The following NR2F2 variants were observed in gnomAD, a reference collection of about 807,000 sequenced individuals.
NR2F2 encodes the protein COUP transcription factor 2.
NR2F2 carries 2 observed loss-of-function variants against 34.8 expected under a neutral mutation model. The observed-to-expected ratio is 0.06, with a 90% CI of 0.02 to 0.18. NR2F2 has a LOEUF of 0.18. Among genes scored for constraint, NR2F2 ranks in the 10% least tolerant of loss-of-function variants. The pLI, the probability that NR2F2 is intolerant of heterozygous loss-of-function variation, is 1.00. For synonymous variants in NR2F2, 274 were observed against 251.8 expected, an observed-to-expected ratio of 1.09 and a Z score of -0.84; for missense variants, 300 against 580.1, an observed-to-expected ratio of 0.52 and a Z score of 4.96.
chr15:96,331,579 C>T lies in NR2F2; in HGVS notation c.-527C>T. 2.5e-6 allele frequency: 3 copies of T among 1,178,752 alleles called. No individual in the cohort carries two copies. The highest frequency in any genetic ancestry group is 4.2e-5 in the South Asian group (1 of 23,990). The allele number at this position is 1,178,752 out of a possible 1,614,324, so 73.0% of individuals were successfully genotyped here. A position where few individuals can be genotyped will look rare whatever the true frequency, so the allele number is the denominator to read the frequency against. ...TCCTTCACCACCACCTCCTCTTCCT[C>T]CTCCTCCTCCTCCTCCTCCTCCGCC... is the stretch of plus-strand genomic sequence containing the variant. On this transcript the variant is annotated 5_prime_UTR_variant, in exon 1 of 3. Coordinates refer to ENST00000394166, the MANE Select transcript of NR2F2 (RefSeq NM_021005.4).
chr15:96,330,230 A>T (rs1341104280), upstream of NR2F2, among the ~76,000 whole-genome samples: 1 of 152,118 alleles, frequency 6.6e-6, no homozygotes, highest in Non-Finnish European at 1.5e-5. Context: ...GACATCGCCA[A>T]GTTGCGAGAG....
In NR2F2 at chr15:96,337,566, C is replaced by T. The variant is rs1238526150; in HGVS notation, c.1189C>T (p.Arg397Trp). Residue 397 changes from arginine to tryptophan, a missense_variant, in exon 3 of 3, where the codon CGG (arginine) becomes TGG (tryptophan). This residue lies in a region of NR2F2 where 164 missense variants were observed against 365.3 expected (regional missense o/e 0.45). Coordinates refer to ENST00000394166, the MANE Select transcript of NR2F2 (RefSeq NM_021005.4). ...TAAAACCCCCATCGAAACCCTCATCCGGGATATGTTACTGTCCGGCAGCAG... is the reference window on the plus strand; with the variant it reads ...TAAAACCCCCATCGAAACCCTCATCTGGGATATGTTACTGTCCGGCAGCAG... Reference protein sequence around the residue: ...VGKTPIETLIRDMLLSGSSFN... With the variant: ...VGKTPIETLIWDMLLSGSSFN... The T allele has an allele frequency of 6.2e-7, 1 of 1,613,852 alleles. No homozygotes were observed. Among genetic ancestry groups the T allele is most frequent in the Non-Finnish European group, 8.5e-7 (1 of 1,180,030 alleles).
rs949953763 is a variant in NR2F2, at chr15:96,331,522, C to G, written c.-584C>G. ...TGTGGGCTGCCCTGGACTTGGCCCCCGGACAGTCGCCTCTCCTCCTCCTCT... is the reference window on the plus strand; with the variant it reads ...TGTGGGCTGCCCTGGACTTGGCCCCGGGACAGTCGCCTCTCCTCCTCCTCT... On this transcript the variant is annotated 5_prime_UTR_variant, in exon 1 of 3. Transcript: ENST00000394166. 2.4e-6 allele frequency: 3 copies of G among 1,230,314 alleles called. No individual in the cohort carries two copies. Among genetic ancestry groups the G allele is most frequent in the Non-Finnish European group, 3.0e-6 (3 of 987,326 alleles). The allele number at this position is 1,230,314 out of a possible 1,614,324, so 76.2% of individuals were successfully genotyped here.
chr15:96,333,584 G>C (rs1899223152), intron 1 of NR2F2: 1 of 1,005,820 alleles, frequency 9.9e-7, no homozygotes, highest in Non-Finnish European at 1.2e-6. Flanking sequence ...CGCCGGGCTG[G>C]GGCTGGGGCT....
Position 96,338,116 on chromosome 15 carries a change from T to TA in NR2F2, c.*499dup, listed in dbSNP as rs1272797295. 8 of 153,050 alleles carry TA rather than the reference T, an allele frequency of 5.2e-5. No individual in the cohort carries two copies. The highest frequency in any genetic ancestry group is 1.9e-4 in the African/African-American group (8 of 41,430). 9.5% of individuals were successfully genotyped at this position (153,050 alleles called of 1,614,324 possible). ...AAGTTTTGATATAATCTTGGCTTCT[T>TA]AAAAACTGTGTATCATTAAAATATA... is the stretch of plus-strand genomic sequence containing the variant. On this transcript the variant is annotated 3_prime_UTR_variant, in exon 3 of 3. Coordinates refer to ENST00000394166, the MANE Select transcript of NR2F2 (RefSeq NM_021005.4).
At chr15:96,329,849 G>C (rs778340256), upstream of NR2F2, among the ~76,000 whole-genome samples, 1 of 152,032 alleles carries the variant, frequency 6.6e-6, no homozygotes, top group Non-Finnish European at 1.5e-5. Flanking sequence ...ATCAGATGAA[G>C]TCTATTTCTG....
intron 2 of NR2F2, among the ~76,000 whole-genome samples, chr15:96,336,374 TG>T (rs1241302072): frequency 6.6e-6 from 1 of 152,202 alleles, no homozygotes; most frequent in Non-Finnish European, 1.5e-5. Flanking sequence ...TCTGTAGACA[TG>T]CAGAGTCCTA....
At chr15:96,330,642 T>G (rs1262107709), upstream of NR2F2, 1 of 156,018 alleles carries the variant, frequency 6.4e-6, no homozygotes, top group African/African-American at 2.4e-5. Flanking sequence ...CAACGTGCGC[T>G]AAGTTGCAGC....
Position 96,339,461 on chromosome 15 carries a change from C to G in NR2F2, c.*1839C>G, listed in dbSNP as rs978494589. Reference sequence around the variant, plus strand: ...CAGTTGGTTTCCCTCTCCCCTCCCCCCCTTTACCTTCAGTCTGTGAGAGCA... The same window carrying G: ...CAGTTGGTTTCCCTCTCCCCTCCCCGCCTTTACCTTCAGTCTGTGAGAGCA... On this transcript the variant is annotated 3_prime_UTR_variant, in exon 3 of 3. Transcript: ENST00000394166. The G allele has an allele frequency of 1.3e-5, 2 of 152,300 alleles. No homozygotes were observed. Among genetic ancestry groups the G allele is most frequent in the East Asian group, 1.9e-4 (1 of 5,176 alleles). The allele number at this position is 152,300 out of a possible 1,614,324, so 9.4% of individuals were successfully genotyped here. A position where few individuals can be genotyped will look rare whatever the true frequency, so the allele number is the denominator to read the frequency against.
At chr15:96,326,206 A>G, upstream of NR2F2, 1 of 940,592 alleles carries the variant, frequency 1.1e-6, no homozygotes, top group Non-Finnish European at 1.8e-6. The surrounding 1 kb of genome is among the most constrained non-coding windows in gnomAD (Gnocchi z 5.5). Context: ...AACACCGAGG[A>G]GGAGATTCTC....
chr15:96,331,049 GGCGGCA>G lies in NR2F2; in HGVS notation c.-1054_-1049del. On this transcript the variant is annotated 5_prime_UTR_variant, in exon 1 of 3. Transcript: ENST00000394166. The stretch of plus-strand genomic sequence containing the variant: ...TCTTTCCCTATGTGTGTGAGGCGGC[GGCGGCA>G]GCAGCAGCAGCAGCGGCTCCGGCGG... 8.0e-7 allele frequency: 1 copy of G among 1,242,626 alleles called. No homozygotes were observed. The allele number at this position is 1,242,626 out of a possible 1,614,324, so 77.0% of individuals were successfully genotyped here. A position where few individuals can be genotyped will look rare whatever the true frequency, so the allele number is the denominator to read the frequency against.
intron 1 of NR2F2, 194 bp downstream of exon 1, chr15:96,332,741 T>C: frequency 7.9e-7 from 1 of 1,258,714 alleles, no homozygotes; most frequent in Non-Finnish European, 1.1e-6. Context: ...CCGACTGATT[T>C]CCTTCTTTAC....
At chr15:96,330,435 T>TGG, upstream of NR2F2, among the ~76,000 whole-genome samples, 1 of 125,412 alleles carries the variant, frequency 8.0e-6, no homozygotes, top group East Asian at 2.9e-4. Context: ...GGCCACCCCG[T>TGG]CCCCGCCCCC....
rs911467352 is a variant in NR2F2 at position 96,339,863 on chromosome 15, G to C, written c.*2241G>C. The C allele has an allele frequency of 2.2e-4, 33 of 152,058 alleles. 1 individual carries two copies. Among genetic ancestry groups the C allele is most frequent in the African/African-American group, 7.0e-4 (29 of 41,478 alleles). 9.4% of individuals were successfully genotyped at this position (152,058 alleles called of 1,614,324 possible). ...GTGGTTTAATTCTAATTGGTGGGGG[G>C]GGGGGAGGACTAGTGAGGGAGGTGA... On this transcript the variant is annotated 3_prime_UTR_variant, in exon 3 of 3. Transcript: ENST00000394166.
At position 96,339,235 on chromosome 15, in the gene NR2F2, A is replaced by G. The variant is rs933091818; in HGVS notation, c.*1613A>G. Reference sequence around the variant, plus strand: ...ACTCTTTTGTACATTTCTGACAGTTACTCAGAAGATCGTTCAAGCAAGCTA... The same window carrying G: ...ACTCTTTTGTACATTTCTGACAGTTGCTCAGAAGATCGTTCAAGCAAGCTA... On this transcript the variant is annotated 3_prime_UTR_variant, in exon 3 of 3. Coordinates refer to ENST00000394166, the MANE Select transcript of NR2F2 (RefSeq NM_021005.4). 1.3e-5 allele frequency: 2 copies of G among 152,304 alleles called. No individual in the cohort carries two copies. Among genetic ancestry groups the G allele is most frequent in the East Asian group, 3.9e-4 (2 of 5,184 alleles). 9.4% of individuals were successfully genotyped at this position (152,304 alleles called of 1,614,324 possible).
upstream of NR2F2, among the ~76,000 whole-genome samples, chr15:96,329,748 G>A (rs996836137): frequency 6.6e-6 from 1 of 152,124 alleles, no homozygotes; most frequent in Non-Finnish European, 1.5e-5. Flanking sequence ...CACCATGACT[G>A]GGTGTGTGGC....
chr15:96,338,665 T>C lies in NR2F2; in HGVS notation c.*1043T>C, dbSNP rs1368293905. ...TATCTTAGAGTTTACAGTTTGTGTT[T>C]TAAAAAAACTGAAGGTTTTTTTTTT... On this transcript the variant is annotated 3_prime_UTR_variant, in exon 3 of 3. Transcript: ENST00000394166. 6.6e-6 allele frequency: 1 copy of C among 152,650 alleles called. No individual in the cohort carries two copies. The highest frequency in any genetic ancestry group is 1.5e-5 in the Non-Finnish European group (1 of 68,040). 9.5% of individuals were successfully genotyped at this position (152,650 alleles called of 1,614,324 possible). A position where few individuals can be genotyped will look rare whatever the true frequency, so the allele number is the denominator to read the frequency against.
upstream of NR2F2, chr15:96,326,155 C>G: frequency 1.5e-6 from 1 of 675,194 alleles, no homozygotes; most frequent in Non-Finnish European, 2.7e-6. The surrounding 1 kb of genome is among the most constrained non-coding windows in gnomAD (Gnocchi z 5.5). Context: ...TCCCTGCAGG[C>G]TAGTGCCTAC....
intron 2 of NR2F2, among the ~76,000 whole-genome samples, chr15:96,334,891 T>C (rs1180433507): frequency 1.3e-5 from 2 of 152,262 alleles, no homozygotes. Flanking sequence ...CAGATTGGGA[T>C]GCCCTCTCCT....
Sources: gnomAD v4.1 joint callset for allele counts (sites outside exome capture counted in the v4.1 genomes callset) on GRCh38, gnomAD v4.1.1 for gene constraint, gnomAD v4.1.1 regional missense constraint, Gnocchi (gnomAD v3.1) non-coding constraint, MANE v1.5 for transcripts, NCBI Gene and HGNC (gene_info 2026-07-23, HGNC 2026-07-21) for gene names.